The following ITGB7 variants were observed in gnomAD, a reference collection of about 807,000 sequenced individuals.
ITGB7 encodes integrin subunit beta 7, also known as integrin beta-7.
A neutral mutation model predicts 83.4 loss-of-function variants in ITGB7; 55 were observed. The observed-to-expected ratio is 0.66, with a 90% CI of 0.53 to 0.83. The LOEUF (loss-of-function observed/expected upper bound fraction) is 0.83. Ranked by LOEUF, ITGB7 falls within the 40% of genes least tolerant of loss-of-function variation. ITGB7 has a pLI of 0.00. For missense variants in ITGB7, 921 were observed against 1,046.7 expected (o/e 0.88, Z 1.66); for synonymous variants, 454 against 423.6 (o/e 1.07, Z -0.88).
intron 2 of ITGB7, 122 bp from the exon 3 acceptor site, chr12:53,200,568 C>A: frequency 1.3e-6 from 1 of 743,208 alleles, no homozygotes; most frequent in Non-Finnish European, 2.2e-6. Flanking sequence ...TATCTCCCCT[C>A]ATAGTTTCAC....
intron 2 of ITGB7, 135 bp downstream of exon 2, chr12:53,200,937 A>G (rs1375243506): frequency 6.4e-6 from 1 of 156,748 alleles, no homozygotes; most frequent in Non-Finnish European, 1.4e-5. Flanking sequence ...TTAAAAAAAA[A>G]AAAAATAGGG....
intron 15 of ITGB7, 72 bp downstream of exon 15, chr12:53,191,787 G>A: frequency 1.3e-6 from 2 of 1,595,984 alleles, no homozygotes; most frequent in Non-Finnish European, 1.7e-6. Context: ...GGGGAACCCA[G>A]TGGGAGGAAT....
Position 53,192,704 on chromosome 12 carries a change from A to C in ITGB7, c.1933T>G (p.Cys645Gly). Residue 645 changes from cysteine (C) to glycine (G), a missense_variant, in exon 13 of 16, where the codon TGC becomes GGC. Coordinates refer to ENST00000267082, the MANE Select transcript of ITGB7 (RefSeq NM_000889.3). ...CDQCPGCKTP[C>G]ERHRDCAECG... Reference sequence around the variant, plus strand: ...CTGAGGCCTCACCGGTGTCTCTCGCATGGTGTCTTGCAGCCTGGGCATTGG... The same window carrying C: ...CTGAGGCCTCACCGGTGTCTCTCGCCTGGTGTCTTGCAGCCTGGGCATTGG... 6.2e-7 allele frequency: 1 copy of C among 1,613,938 alleles called. No individual in the cohort carries two copies. The highest frequency in any genetic ancestry group is 8.5e-7 in the Non-Finnish European group (1 of 1,179,918).
chr12:53,191,822 A>C (rs774732750), intron 15 of ITGB7, 37 bp downstream of exon 15: 1 of 1,612,270 alleles, frequency 6.2e-7, no homozygotes, highest in South Asian at 1.1e-5. Context: ...TGGTGGGGGA[A>C]CAGCTAAAAA....
chr12:53,200,470 CAT>C, intron 2 of ITGB7, 24 bp from the exon 3 acceptor site: 1 of 1,602,654 alleles, frequency 6.2e-7, no homozygotes, highest in Non-Finnish European at 8.5e-7. Flanking sequence ...TAAAGGGGGA[CAT>C]GTGGGTCCTC....
At chr12:53,200,004 C>A (rs1352584640) in intron 3 of ITGB7, among the ~76,000 whole-genome samples, 2 of 152,178 alleles carry the variant, frequency 1.3e-5, no homozygotes, top group Non-Finnish European at 2.9e-5. Flanking sequence ...TATACACAAG[C>A]AAATGGATAC....
chr12:53,205,636 T>C (rs895185628), intron 1 of ITGB7, among the ~76,000 whole-genome samples: 8 of 152,160 alleles, frequency 5.3e-5, no homozygotes, highest in African/African-American at 1.9e-4. Flanking sequence ...AATATATATA[T>C]ATAGGTGGGT....
In ITGB7 at chr12:53,197,656, G is replaced by C; in HGVS notation, c.411C>G (p.Pro137=). The change falls in exon 5 of 16, where the codon CCC becomes CCG. Residue 137 remains proline, a synonymous_variant. Transcript: ENST00000267082. ...RVRVTLRPGE[P]QQLQVRFLRA... Reference sequence around the variant, plus strand: ...GAAGGAAGCGGACCTGGAGCTGCTGGGGCTCCCCTAGGGGGTGGGCGGCGG... The same window carrying C: ...GAAGGAAGCGGACCTGGAGCTGCTGCGGCTCCCCTAGGGGGTGGGCGGCGG... 1 of 1,613,676 alleles carries C rather than the reference G, an allele frequency of 6.2e-7. No homozygotes were observed. Among genetic ancestry groups the C allele is most frequent in the Non-Finnish European group, 8.5e-7 (1 of 1,179,812 alleles).
intron 11 of ITGB7, 47 bp downstream of exon 11, chr12:53,193,661 G>A (rs1220391694): frequency 9.2e-6 from 14 of 1,529,400 alleles, no homozygotes; most frequent in African/African-American, 4.1e-5. Context: ...GCCAGGGTTG[G>A]TTGGTTGTTG....
chr12:53,196,785 A>C lies in ITGB7; in HGVS notation c.610T>G (p.Phe204Val). 1 of 1,607,304 alleles carries C rather than the reference A, an allele frequency of 6.2e-7. No individual in the cohort carries two copies. Among genetic ancestry groups the C allele is most frequent in the Non-Finnish European group, 8.5e-7 (1 of 1,174,442 alleles). Residue 204 changes from phenylalanine to valine, a missense_variant, in exon 6 of 16, where the codon TTT becomes GTT. Transcript: ENST00000267082. ...AGTTTGGAGGGTACTGTGCTCACAAAGGGCAGCACCGTTTTGTCCACAAAG... is the reference window on the plus strand; with the variant it reads ...AGTTTGGAGGGTACTGTGCTCACAACGGGCAGCACCGTTTTGTCCACAAAG... ...GSFVDKTVLP[F>V]VSTVPSKLRH...
chr12:53,194,229 C>T lies in ITGB7; in HGVS notation c.1277G>A (p.Gly426Glu), dbSNP rs762314487. The T allele has an allele frequency of 6.2e-7, 1 of 1,613,976 alleles. No individual in the cohort carries two copies. Among genetic ancestry groups the T allele is most frequent in the African/African-American group, 1.3e-5 (1 of 74,880 alleles). ...EKREGKAEDR[G>E]QCNHVRINQT... is the part of the protein sequence containing the mutation. ...GTTGATTCGGACGTGGTTGCACTGTCCTCGATCCTCAGCCTTACCCTCCCT... is the reference window on the plus strand; with the variant it reads ...GTTGATTCGGACGTGGTTGCACTGTTCTCGATCCTCAGCCTTACCCTCCCT... Residue 426 changes from glycine to glutamate, a missense_variant, in exon 10 of 16, where the codon GGA becomes GAA. Physicochemically the swap from Gly to Glu is moderately conservative, Grantham distance 98. Transcript: ENST00000267082.
chr12:53,197,737 T>C lies in ITGB7; in HGVS notation c.403+13A>G. 1.3e-6 allele frequency: 2 copies of C among 1,584,572 alleles called. No individual in the cohort carries two copies. Among genetic ancestry groups the C allele is most frequent in the East Asian group, 2.3e-5 (1 of 42,744 alleles). On this transcript the variant is annotated intron_variant, in intron 4 of 15. Coordinates refer to ENST00000267082, the MANE Select transcript of ITGB7 (RefSeq NM_000889.3). ...CCTAGACCTCTGGCCTGGCCCCGCC[T>C]CCCCTAACTCACCAGGCCGCAGCGT...
In ITGB7 at chr12:53,197,929, G is replaced by C. The variant is rs1323714309; in HGVS notation, c.224C>G (p.Ala75Gly). Residue 75 changes from alanine to glycine, a missense_variant, in exon 4 of 16, where the codon GCG (alanine) becomes GGG (glycine). Coordinates refer to ENST00000267082, the MANE Select transcript of ITGB7 (RefSeq NM_000889.3). Reference sequence around the variant, plus strand: ...TCGTCGGGCGCAGCGCCGCGCCTCCGCCTCTCCCGACGCGGTGAAGTTCTG... The same window carrying C: ...TCGTCGGGCGCAGCGCCGCGCCTCCCCCTCTCCCGACGCGGTGAAGTTCTG... The part of the protein sequence containing the change: ...KQLNFTASGE[A>G]EARRCARREE... 1.3e-6 allele frequency: 2 copies of C among 1,542,604 alleles called. No individual in the cohort carries two copies. The highest frequency in any genetic ancestry group is 2.4e-5 in the South Asian group (2 of 84,794).
At chr12:53,193,657 G>A (rs1368236318) in intron 11 of ITGB7, 51 bp downstream of exon 11, 2 of 1,497,242 alleles carry the variant, frequency 1.3e-6, no homozygotes, top group Admixed American at 1.8e-5. Flanking sequence ...ACGGGCCAGG[G>A]TTGGTTGGTT....
At chr12:53,197,298 C>CT (rs1942197113) in intron 5 of ITGB7, 195 bp downstream of exon 5, 5 of 673,914 alleles carry the variant, frequency 7.4e-6, no homozygotes, top group Non-Finnish European at 1.4e-5. Flanking sequence ...CGGATAGTCT[C>CT]TTGAGTCCTC....
At chr12:53,195,510 A>C in intron 8 of ITGB7, 47 bp from the exon 9 acceptor site, 10 of 1,556,996 alleles carry the variant, frequency 6.4e-6, no homozygotes, top group Non-Finnish European at 8.9e-6. Context: ...AGCTCTAGGA[A>C]AATGGGCTCC....
chr12:53,194,105 T>C (rs1942072052), intron 10 of ITGB7, 93 bp downstream of exon 10: 2 of 1,555,432 alleles, frequency 1.3e-6, no homozygotes, highest in Non-Finnish European at 1.8e-6. Flanking sequence ...CTCATGTCAC[T>C]CCCTGTACCT....
rs77831684 is a variant in ITGB7 at position 53,203,540 on chromosome 12, C to T, written c.-126-2346G>A. Among the ~76,000 whole-genome samples the T allele has an allele frequency of 2.1e-3, 305 of 146,992 alleles. 4 individuals are homozygous for T. The East Asian group carries it at 0.033, about 16-fold the overall frequency. On this transcript the variant is annotated intron_variant, in intron 1 of 15. Transcript: ENST00000267082. ...GTACATGCCTGTAGCTCCAGCTACT[C>T]GGGAAACTGAGGCACAAGAATCGCT...
intron 1 of ITGB7, among the ~76,000 whole-genome samples, chr12:53,203,218 C>T (rs1215200967): frequency 6.6e-6 from 1 of 152,114 alleles, no homozygotes; most frequent in African/African-American, 2.4e-5. Flanking sequence ...TCTTACAATT[C>T]AACAACAAAA....
Sources: allele counts gnomAD v4.1 joint callset (sites outside exome capture counted in the v4.1 genomes callset), GRCh38; gene constraint gnomAD v4.1.1; transcripts MANE v1.5; gene names NCBI Gene and HGNC (gene_info 2026-07-23, HGNC 2026-07-21).